Variants in TRAPPC9 observed in about 807,000 individuals in gnomAD.
TRAPPC9 encodes the protein IKK2 binding protein.
In TRAPPC9, 83 loss-of-function variants were observed where a neutral mutation model predicts 124.0. The ratio of observed to expected loss-of-function variants is 0.67; its 90% CI spans 0.56 to 0.80. The LOEUF is 0.80. Among genes scored for constraint, TRAPPC9 ranks in the 30% least tolerant of loss-of-function variants. The pLI is 0.00. For synonymous variants in TRAPPC9, 638 were observed against 617.5 expected (o/e 1.03, Z -0.49); for missense variants, 1,302 against 1,508.3 (o/e 0.86, Z 2.27).
At chr8:139,968,645 C>T (rs1252125779) in intron 19 of TRAPPC9, among the ~76,000 whole-genome samples, 1 of 152,194 alleles carries the variant, frequency 6.6e-6, no homozygotes, top group Non-Finnish European at 1.5e-5. Flanking sequence ...CAGGAGCCTG[C>T]CACAGAAGAG....
chr8:140,111,753 G>A (rs141410257), intron 17 of TRAPPC9, among the ~76,000 whole-genome samples: 124 of 152,356 alleles, frequency 8.1e-4, no homozygotes, highest in East Asian at 1.3e-3. Flanking sequence ...TTTGCGACTC[G>A]CTGTTAAGAA....
chr8:140,064,870 T>C (rs951200726), intron 17 of TRAPPC9, among the ~76,000 whole-genome samples: 3 of 152,166 alleles, frequency 2.0e-5, no homozygotes, highest in Non-Finnish European at 2.9e-5. Flanking sequence ...ACTGCAGGAT[T>C]GTAAAGGCCT....
At chr8:140,326,222 TAAAA>T (rs748923859) in intron 9 of TRAPPC9, among the ~76,000 whole-genome samples, 1 of 109,442 alleles carries the variant, frequency 9.1e-6, no homozygotes, top group Admixed American at 9.4e-5. Context: ...CCGTCTCTAC[TAAAA>T]AAAAAAAAAA....
chr8:139,857,726 G>A (rs1406043064), intron 21 of TRAPPC9, among the ~76,000 whole-genome samples: 1 of 152,246 alleles, frequency 6.6e-6, no homozygotes, highest in Non-Finnish European at 1.5e-5. Context: ...TTGCTCACCA[G>A]GAAGCACGAG....
chr8:140,055,325 A>G (rs1842236677), intron 17 of TRAPPC9, among the ~76,000 whole-genome samples: 10 of 152,214 alleles, frequency 6.6e-5, no homozygotes, highest in Admixed American at 6.5e-4. Flanking sequence ...ACACCCTTTC[A>G]TAACAAAAAC....
intron 21 of TRAPPC9, among the ~76,000 whole-genome samples, chr8:139,827,004 G>A (rs781716491): frequency 2.6e-5 from 4 of 152,172 alleles, no homozygotes; most frequent in South Asian, 2.1e-4. Context: ...TCCATCTTCC[G>A]GAACCTGGAG....
intron 15 of TRAPPC9, among the ~76,000 whole-genome samples, chr8:140,272,075 G>A (rs900784260): frequency 9.4e-6 from 1 of 106,292 alleles, no homozygotes; most frequent in Non-Finnish European, 2.0e-5. Flanking sequence ...TGGTGATGAT[G>A]GTGGTGGTTG....
chr8:140,207,246 TACA>T (rs944475244), intron 17 of TRAPPC9, among the ~76,000 whole-genome samples: 4 of 152,212 alleles, frequency 2.6e-5, no homozygotes, highest in African/African-American at 7.2e-5. Flanking sequence ...TGAGGTTCAT[TACA>T]GATCTGTTTG....
intron 3 of TRAPPC9, 150 bp downstream of exon 3, chr8:140,438,902 G>C (rs369616890): frequency 2.3e-5 from 21 of 912,472 alleles, no homozygotes; most frequent in South Asian, 2.2e-4. Context: ...ATGTTGGCCA[G>C]GATGGTCTCA....
rs370575870 is a variant in TRAPPC9 at position 140,252,753 on chromosome 8, A to G, written c.2431+24T>C. 13 of 1,612,162 alleles carry G rather than the reference A, an allele frequency of 8.1e-6. No individual in the cohort carries two copies. Among genetic ancestry groups the G allele is most frequent in the Non-Finnish European group, 1.1e-5 (13 of 1,179,834 alleles). ...ACAGTATCTAGGACCCTGACGTGCT[A>G]ATTAAAATTAGGAAAGCGCTTACCA... On this transcript the variant is annotated intron_variant, in intron 16 of 22. Coordinates refer to ENST00000438773, the MANE Select transcript of TRAPPC9 (RefSeq NM_001160372.4). The surrounding 1 kb of genome is among the most constrained non-coding windows in gnomAD (Gnocchi z 4.2).
intron 19 of TRAPPC9, among the ~76,000 whole-genome samples, chr8:139,965,906 G>A (rs1209686020): frequency 1.3e-5 from 2 of 152,218 alleles, no homozygotes; most frequent in Admixed American, 1.3e-4. Flanking sequence ...ACAGCAGACT[G>A]ACATCTCGGG....
chr8:139,884,567 G>A (rs925562753), intron 21 of TRAPPC9, among the ~76,000 whole-genome samples: 34 of 152,262 alleles, frequency 2.2e-4, no homozygotes, highest in African/African-American at 7.9e-4. Context: ...AATCCCCCTG[G>A]GCCTGACCCC....
intron 9 of TRAPPC9, among the ~76,000 whole-genome samples, chr8:140,351,659 A>T (rs1173676335): frequency 6.6e-6 from 1 of 152,238 alleles, no homozygotes; most frequent in Non-Finnish European, 1.5e-5. Flanking sequence ...TGTATAAGTT[A>T]TATGCAAATA....
chr8:140,311,154 T>A (rs978196007), intron 10 of TRAPPC9, 94 bp downstream of exon 10: 1 of 1,496,176 alleles, frequency 6.7e-7, no homozygotes, highest in East Asian at 2.3e-5. Flanking sequence ...CCAACAAAAA[T>A]GGGAACTCTT....
chr8:139,807,819 T>G (rs552598820), intron 21 of TRAPPC9, among the ~76,000 whole-genome samples: 3 of 152,148 alleles, frequency 2.0e-5, no homozygotes, highest in South Asian at 2.1e-4. Context: ...TAAAAAAATA[T>G]GAAAAATGAA....
intron 17 of TRAPPC9, among the ~76,000 whole-genome samples, chr8:140,122,007 CTCTT>C (rs1020938546): frequency 6.8e-4 from 101 of 149,310 alleles, no homozygotes; most frequent in East Asian, 9.7e-4. Context: ...TGGAGTCCAT[CTCTT>C]TCTTTCTTTC....
At chr8:139,849,938 T>C (rs1827337871) in intron 21 of TRAPPC9, among the ~76,000 whole-genome samples, 1 of 152,104 alleles carries the variant, frequency 6.6e-6, no homozygotes, top group African/African-American at 2.4e-5. Context: ...GGGCCTGGAA[T>C]GGTCTGAGGG....
At chr8:139,844,481 G>T (rs914701359) in intron 21 of TRAPPC9, among the ~76,000 whole-genome samples, 1 of 152,252 alleles carries the variant, frequency 6.6e-6, no homozygotes, top group South Asian at 2.1e-4. Flanking sequence ...ACAACGGAGG[G>T]GCCGTTAATT....
chr8:139,783,631 G>A (rs1821985330), intron 21 of TRAPPC9, among the ~76,000 whole-genome samples: 2 of 152,150 alleles, frequency 1.3e-5, no homozygotes. Context: ...AAATCAGAGG[G>A]AATATTTTCC....
Sources: gnomAD v4.1 joint callset for allele counts (sites outside exome capture counted in the v4.1 genomes callset) on GRCh38, gnomAD v4.1.1 for gene constraint, Gnocchi (gnomAD v3.1) non-coding constraint, MANE v1.5 for transcripts, NCBI Gene and HGNC (gene_info 2026-07-23, HGNC 2026-07-21) for gene names.